Variants in KCNIP3 observed in about 807,000 individuals in gnomAD.
The protein encoded by KCNIP3 is potassium voltage-gated channel interacting protein 3.
KCNIP3 carries 28 observed loss-of-function variants against 35.0 expected under a neutral mutation model. The ratio of observed to expected loss-of-function variants is 0.80; its 90% CI spans 0.59 to 1.10. KCNIP3 has a LOEUF of 1.10. Among genes scored for constraint, KCNIP3 ranks in the 50% least tolerant of loss-of-function variants. The pLI, the probability that KCNIP3 is intolerant of heterozygous loss-of-function variation, is 0.00. For missense variants in KCNIP3, 295 were observed against 338.4 expected (o/e 0.87, Z 1.01); for synonymous variants, 134 against 133.8 (o/e 1.00, Z -0.01).
At chr2:95,334,655 C>T (rs1371032401) in intron 2 of KCNIP3, among the ~76,000 whole-genome samples, 1 of 152,230 alleles carries the variant, frequency 6.6e-6, no homozygotes, top group Non-Finnish European at 1.5e-5. Context: ...GTCAGCTCCC[C>T]TGCACTGAAT....
At chr2:95,340,715 A>C (rs1679177231) in intron 2 of KCNIP3, among the ~76,000 whole-genome samples, 1 of 152,212 alleles carries the variant, frequency 6.6e-6, no homozygotes, top group Non-Finnish European at 1.5e-5. Flanking sequence ...GTATCATGTC[A>C]GAATGTGATA....
At chr2:95,358,880 C>A (rs2320429) in intron 2 of KCNIP3, among the ~76,000 whole-genome samples, 2 of 110,908 alleles carry the variant, frequency 1.8e-5, no homozygotes, top group Non-Finnish European at 4.1e-5. Flanking sequence ...CACCTGTAGT[C>A]CTAGCTACGT....
intron 2 of KCNIP3, among the ~76,000 whole-genome samples, chr2:95,352,879 G>A (rs757626306): frequency 1.3e-5 from 2 of 152,216 alleles, no homozygotes; most frequent in Non-Finnish European, 2.9e-5. Context: ...ATGCTTTCCT[G>A]TGTGGAGCTG....
chr2:95,309,224 C>A (rs748175047), intron 1 of KCNIP3, among the ~76,000 whole-genome samples: 1 of 152,150 alleles, frequency 6.6e-6, no homozygotes, highest in Admixed American at 6.5e-5. Flanking sequence ...GTGTGGCCAG[C>A]GGCAGCCTGC....
At chr2:95,297,789 C>T (rs144943394) in intron 1 of KCNIP3, among the ~76,000 whole-genome samples, 60 of 152,206 alleles carry the variant, frequency 3.9e-4, no homozygotes, top group Non-Finnish European at 2.5e-4. Flanking sequence ...GGTCAGCCCA[C>T]GACTCATCCT....
intron 2 of KCNIP3, among the ~76,000 whole-genome samples, chr2:95,343,311 C>T (rs1158648667): frequency 6.6e-6 from 1 of 152,048 alleles, no homozygotes; most frequent in Non-Finnish European, 1.5e-5. Flanking sequence ...TTTGAGGAGC[C>T]TTGAGAGTGT....
At chr2:95,369,207 A>G (rs1679985762) in intron 2 of KCNIP3, among the ~76,000 whole-genome samples, 1 of 152,194 alleles carries the variant, frequency 6.6e-6, no homozygotes, top group Non-Finnish European at 1.5e-5. Flanking sequence ...TTCTGCATCA[A>G]TTGATATGAT....
At chr2:95,329,588 C>T (rs1336660034) in intron 2 of KCNIP3, among the ~76,000 whole-genome samples, 2 of 152,234 alleles carry the variant, frequency 1.3e-5, no homozygotes, top group Non-Finnish European at 2.9e-5. Context: ...GCACCTGCAC[C>T]GCTGGGGCTC....
intron 2 of KCNIP3, among the ~76,000 whole-genome samples, chr2:95,331,984 G>T (rs145386915): frequency 1.3e-5 from 2 of 152,354 alleles, no homozygotes; most frequent in East Asian, 3.9e-4. Flanking sequence ...TGAAGGACAC[G>T]GTGTGAGCGG....
At chr2:95,338,625 A>G (rs1679118249) in intron 2 of KCNIP3, among the ~76,000 whole-genome samples, 2 of 152,222 alleles carry the variant, frequency 1.3e-5, no homozygotes, top group Non-Finnish European at 2.9e-5. Flanking sequence ...GTGGCAAAGA[A>G]CACTGTCGCC....
intron 2 of KCNIP3, among the ~76,000 whole-genome samples, chr2:95,361,566 G>C (rs1679799583): frequency 2.0e-5 from 3 of 152,176 alleles, no homozygotes. Flanking sequence ...CTGAGTCTTG[G>C]AATATTATCT....
At chr2:95,312,489 T>G (rs1451823772) in intron 2 of KCNIP3, 1 of 152,340 alleles carries the variant, frequency 6.6e-6, no homozygotes, top group Non-Finnish European at 1.5e-5. Context: ...GCTGAACAAC[T>G]TGTCAAAGGC....
chr2:95,366,175 C>T (rs1402097496), intron 2 of KCNIP3, among the ~76,000 whole-genome samples: 2 of 152,106 alleles, frequency 1.3e-5, no homozygotes, highest in Non-Finnish European at 2.9e-5. Flanking sequence ...GTCGTCACCA[C>T]AAAAAATTGC....
intron 2 of KCNIP3, among the ~76,000 whole-genome samples, chr2:95,361,697 C>T (rs750736662): frequency 3.3e-5 from 5 of 152,176 alleles, no homozygotes; most frequent in African/African-American, 4.8e-5. Context: ...TTAAAGCCCA[C>T]GCCAGTACTC....
chr2:95,361,012 C>A (rs746750009), intron 2 of KCNIP3, among the ~76,000 whole-genome samples: 1 of 151,830 alleles, frequency 6.6e-6, no homozygotes, highest in Non-Finnish European at 1.5e-5. Context: ...AAGAGAGCCA[C>A]GCTGGGGGAG....
At chr2:95,308,000 A>G (rs1244848145) in intron 1 of KCNIP3, among the ~76,000 whole-genome samples, 1 of 152,200 alleles carries the variant, frequency 6.6e-6, no homozygotes, top group Non-Finnish European at 1.5e-5. Flanking sequence ...GTGTGTGTGC[A>G]TATGTATGTG....
At chr2:95,337,827 G>C (rs558380238) in intron 2 of KCNIP3, among the ~76,000 whole-genome samples, 1 of 152,172 alleles carries the variant, frequency 6.6e-6, no homozygotes, top group Non-Finnish European at 1.5e-5. Flanking sequence ...CTGTCCTCAT[G>C]ATGGGCTTTT....
intron 2 of KCNIP3, among the ~76,000 whole-genome samples, chr2:95,373,969 C>G (rs574972564): frequency 8.3e-4 from 126 of 152,334 alleles, no homozygotes; most frequent in African/African-American, 3.0e-3. Flanking sequence ...GCTGTCTTTC[C>G]CCCTCCTATA....
chr2:95,371,646 G>C (rs1231636629), intron 2 of KCNIP3, among the ~76,000 whole-genome samples: 1 of 151,982 alleles, frequency 6.6e-6, no homozygotes, highest in Non-Finnish European at 1.5e-5. Context: ...TGACTTTTTT[G>C]TTTCTCTCTT....
Sources: allele counts gnomAD v4.1 joint callset (sites outside exome capture counted in the v4.1 genomes callset), GRCh38; gene constraint gnomAD v4.1.1; transcripts MANE v1.5; gene names NCBI Gene and HGNC (gene_info 2026-07-23, HGNC 2026-07-21).